KIAA1549L: variants seen among roughly 807,000 people sequenced by gnomAD.
KIAA1549L encodes UPF0606 protein KIAA1549L.
Under a neutral mutation model 160.7 loss-of-function variants are expected in KIAA1549L, and 88 were observed. That is an observed-to-expected ratio of 0.55 (90% CI 0.46 to 0.65). The LOEUF (loss-of-function observed/expected upper bound fraction) is 0.65. Among genes scored for constraint, KIAA1549L ranks in the 30% least tolerant of loss-of-function variants. KIAA1549L has a pLI of 0.00. For missense variants in KIAA1549L, 2,258 were observed against 2,437.5 expected (o/e 0.93, Z 1.55); for synonymous variants, 950 against 976.7 (o/e 0.97, Z 0.51).
At chr11:33,563,761 A>G (rs1175785288) in intron 8 of KIAA1549L, among the ~76,000 whole-genome samples, 1 of 152,220 alleles carries the variant, frequency 6.6e-6, no homozygotes, top group Non-Finnish European at 1.5e-5. Flanking sequence ...GGCTTATGTA[A>G]CATTTACAAA....
Position 33,542,757 on chromosome 11 carries a change from C to T in KIAA1549L, c.1194C>T (p.His398=). The change falls in exon 2 of 21, where the codon CAC becomes CAT. Residue 398 remains histidine, a synonymous_variant. Transcript: ENST00000658780. ...AAGCTGGGGTGCCTGGAAGAGTGCA[C>T]AATGGGGTGTCTTTGCCAACTTTTA... ...QIKAGVPGRV[H]NGVSLPTFKN... The T allele has an allele frequency of 2.5e-6, 4 of 1,613,952 alleles. No individual in the cohort carries two copies. Among genetic ancestry groups the T allele is most frequent in the South Asian group, 2.2e-5 (2 of 91,078 alleles).
intron 10 of KIAA1549L, among the ~76,000 whole-genome samples, chr11:33,580,186 T>C (rs966350506): frequency 4.6e-5 from 7 of 152,172 alleles, no homozygotes; most frequent in African/African-American, 1.7e-4. Context: ...AGAGTTGTTA[T>C]CCAGCTGATG....
intron 17 of KIAA1549L, among the ~76,000 whole-genome samples, chr11:33,647,626 C>T (rs1851762838): frequency 6.6e-6 from 1 of 151,978 alleles, no homozygotes; most frequent in South Asian, 2.1e-4. Flanking sequence ...AAACCATAGA[C>T]TGTAATAGAC....
At chr11:33,402,169 C>T (rs949989421) in intron 1 of KIAA1549L, among the ~76,000 whole-genome samples, 1 of 152,216 alleles carries the variant, frequency 6.6e-6, no homozygotes, top group East Asian at 1.9e-4. Context: ...CTAGTCACCT[C>T]ACACTCAGCT....
At chr11:33,453,689 G>A (rs1275472904) in intron 1 of KIAA1549L, among the ~76,000 whole-genome samples, 1 of 152,108 alleles carries the variant, frequency 6.6e-6, no homozygotes, top group Non-Finnish European at 1.5e-5. Context: ...TATAGCTATG[G>A]GAATTAAGTT....
intron 7 of KIAA1549L, among the ~76,000 whole-genome samples, chr11:33,560,290 C>G (rs756740157): frequency 6.6e-6 from 1 of 152,182 alleles, no homozygotes; most frequent in Non-Finnish European, 1.5e-5. Flanking sequence ...GATACCCACT[C>G]TCACTTAGCT....
intron 1 of KIAA1549L, among the ~76,000 whole-genome samples, chr11:33,468,722 A>G (rs111477319): frequency 1.3e-5 from 2 of 152,220 alleles, no homozygotes; most frequent in Non-Finnish European, 2.9e-5. Flanking sequence ...TTGAAAATAC[A>G]TATCATAACG....
chr11:33,657,800 A>G (rs1852118585), intron 18 of KIAA1549L, among the ~76,000 whole-genome samples: 1 of 152,186 alleles, frequency 6.6e-6, no homozygotes, highest in South Asian at 2.1e-4. Flanking sequence ...TTGTCTCAAA[A>G]CAAAAAAATA....
intron 1 of KIAA1549L, among the ~76,000 whole-genome samples, chr11:33,530,025 A>C (rs1173779803): frequency 1.3e-5 from 2 of 152,042 alleles, no homozygotes; most frequent in Non-Finnish European, 2.9e-5. Context: ...TGTATCCTCA[A>C]AGTCTTTCCT....
chr11:33,547,325 C>T (rs189035858), intron 3 of KIAA1549L, among the ~76,000 whole-genome samples: 55 of 152,364 alleles, frequency 3.6e-4, no homozygotes, highest in African/African-American at 1.2e-3. Context: ...ATCCCAAATA[C>T]CTGTTCTCTG....
chr11:33,515,820 G>A (rs1247283412), intron 1 of KIAA1549L, among the ~76,000 whole-genome samples: 1 of 152,158 alleles, frequency 6.6e-6, no homozygotes, highest in East Asian at 1.9e-4. Flanking sequence ...GTAACGTGAT[G>A]CATCTGTTGG....
At chr11:33,464,335 T>A (rs761781752) in intron 1 of KIAA1549L, among the ~76,000 whole-genome samples, 12 of 152,220 alleles carry the variant, frequency 7.9e-5, no homozygotes, top group Non-Finnish European at 1.6e-4. Context: ...GGTTGCTCTG[T>A]GTCAGGTCCT....
intron 1 of KIAA1549L, among the ~76,000 whole-genome samples, chr11:33,416,143 A>G (rs1850884889): frequency 6.6e-6 from 1 of 152,094 alleles, no homozygotes. Flanking sequence ...ACCACCCCTG[A>G]GTTACGCGTC....
At chr11:33,524,135 T>C (rs912037223) in intron 1 of KIAA1549L, among the ~76,000 whole-genome samples, 6 of 152,210 alleles carry the variant, frequency 3.9e-5, no homozygotes, top group Admixed American at 6.5e-5. Context: ...GGTAAGTGGC[T>C]CCTTTTTCCT....
intron 1 of KIAA1549L, among the ~76,000 whole-genome samples, chr11:33,467,508 G>A (rs1396440699): frequency 7.2e-5 from 11 of 152,192 alleles, no homozygotes. Flanking sequence ...TTCCACATAG[G>A]AGAAGGAGAG....
intron 9 of KIAA1549L, among the ~76,000 whole-genome samples, chr11:33,569,271 A>G (rs1344690343): frequency 1.3e-5 from 2 of 152,208 alleles, no homozygotes; most frequent in African/African-American, 4.8e-5. Flanking sequence ...GCTTATCTTG[A>G]ATTGCACTGT....
chr11:33,574,606 T>A, intron 9 of KIAA1549L, 96 bp from the exon 10 acceptor site: 1 of 1,204,242 alleles, frequency 8.3e-7, no homozygotes, highest in African/African-American at 1.5e-5. Context: ...ACAGAAGTCT[T>A]CAGCAGTCAG....
At chr11:33,599,085 A>C in intron 13 of KIAA1549L, 138 bp downstream of exon 13, 4 of 970,266 alleles carry the variant, frequency 4.1e-6, no homozygotes, top group Non-Finnish European at 4.6e-6. Context: ...TCTGCCCCAC[A>C]AGGGCCAGGA....
At chr11:33,499,378 GT>G (rs1852892428) in intron 1 of KIAA1549L, among the ~76,000 whole-genome samples, 1 of 152,198 alleles carries the variant, frequency 6.6e-6, no homozygotes, top group East Asian at 1.9e-4. Flanking sequence ...AGTAGTGAGG[GT>G]TGCTTATAGT....
Sources: allele counts gnomAD v4.1 joint callset (sites outside exome capture counted in the v4.1 genomes callset), GRCh38; gene constraint gnomAD v4.1.1; transcripts MANE v1.5; gene names NCBI Gene and HGNC (gene_info 2026-07-23, HGNC 2026-07-21).